Variants in RHCE observed in about 807,000 individuals in gnomAD.
The protein encoded by RHCE is Rh blood group CcEe antigens.
Under a neutral mutation model 43.8 loss-of-function variants are expected in RHCE, and 22 were observed. The ratio of observed to expected loss-of-function variants is 0.50; its 90% CI spans 0.36 to 0.72. The LOEUF is 0.72. Among genes scored for constraint, RHCE ranks in the 30% least tolerant of loss-of-function variants. The probability of loss-of-function intolerance (pLI) is 0.00; values close to 1 mark genes in which losing one functional copy is unlikely to be tolerated. For missense variants in RHCE, 385 were observed against 525.4 expected (o/e 0.73, Z 2.61); for synonymous variants, 156 against 210.7 (o/e 0.74, Z 2.25).
At chr1:25,429,064 G>A (rs2124559790) in intron 1 of RHCE, 1 of 152,308 alleles carries the variant, frequency 6.6e-6, no homozygotes, top group South Asian at 2.1e-4. Flanking sequence ...GAAGGTTTGT[G>A]AGCAGAAGAA....
chr1:25,399,527 T>C (rs529793868), intron 3 of RHCE, among the ~76,000 whole-genome samples: 1 of 152,252 alleles, frequency 6.6e-6, no homozygotes, highest in Non-Finnish European at 1.5e-5. Context: ...CCAGCTTTAG[T>C]ATGATTAGCA....
intron 3 of RHCE, among the ~76,000 whole-genome samples, chr1:25,402,206 G>GTCTGTCTGTCTA (rs796249762): frequency 0.039 from 5,092 of 130,268 alleles, 130 homozygotes; most frequent in Middle Eastern, 0.091. Flanking sequence ...CTGTCTGTCT[G>GTCTGTCTGTCTA]TCTATCTATC....
chr1:25,420,323 G>A (rs1027663203), intron 1 of RHCE, among the ~76,000 whole-genome samples: 1 of 152,212 alleles, frequency 6.6e-6, no homozygotes, highest in African/African-American at 2.4e-5. Context: ...CCACTAAGGA[G>A]AGAGAAGGGG....
chr1:25,414,099 T>C lies in RHCE; in HGVS notation c.149-5230A>G, dbSNP rs529996691. Among the ~76,000 whole-genome samples, 3 of 152,182 alleles carry C rather than the reference T, an allele frequency of 2.0e-5. No homozygotes were observed. The East Asian group carries it at 5.8e-4, about 29-fold the overall frequency. The stretch of plus-strand genomic sequence containing the variant: ...CCAGCATTGGGTACGTAGTGAGTGT[T>C]AGTAACTGTTACCCCGTGCCGGCCG... On this transcript the variant is annotated intron_variant, in intron 1 of 9. Coordinates refer to ENST00000294413, the MANE Select transcript of RHCE (RefSeq NM_020485.8).
chr1:25,412,715 TAAAAA>T (rs1165784820), intron 1 of RHCE, among the ~76,000 whole-genome samples: 100 of 116,586 alleles, frequency 8.6e-4, no homozygotes, highest in African/African-American at 2.2e-3. Context: ...ACCCTTTTTT[TAAAAA>T]AAAAAAAAAA....
intron 1 of RHCE, among the ~76,000 whole-genome samples, chr1:25,416,550 A>G (rs1353928476): frequency 6.6e-6 from 1 of 152,128 alleles, no homozygotes; most frequent in Non-Finnish European, 1.5e-5. Flanking sequence ...GGCGTGAGCC[A>G]CCGCACCCAG....
chr1:25,379,381 A>G (rs1378638247), intron 7 of RHCE, among the ~76,000 whole-genome samples: 1 of 145,082 alleles, frequency 6.9e-6, no homozygotes, highest in Non-Finnish European at 1.5e-5. Context: ...CATTCAAACC[A>G]TAGCATTCTG....
At chr1:25,396,814 A>C (rs2124451949) in intron 3 of RHCE, among the ~76,000 whole-genome samples, 1 of 152,238 alleles carries the variant, frequency 6.6e-6, no homozygotes, top group South Asian at 2.1e-4. Context: ...ACCCAACTGC[A>C]TCAGAAATAT....
chr1:25,368,163 GT>G (rs1367111003), intron 9 of RHCE, among the ~76,000 whole-genome samples: 1 of 145,118 alleles, frequency 6.9e-6, no homozygotes, highest in African/African-American at 2.7e-5. Flanking sequence ...ACGTTAAAAT[GT>G]ATCAAATTAT....
At chr1:25,427,475 G>A (rs1358301403) in intron 2 of RHCE, among the ~76,000 whole-genome samples, 1 of 152,238 alleles carries the variant, frequency 6.6e-6, no homozygotes, top group Non-Finnish European at 1.5e-5. Flanking sequence ...TCTGGCAGGA[G>A]GCCCACTTCT....
chr1:25,420,456 C>A (rs1438282853), intron 1 of RHCE, among the ~76,000 whole-genome samples, 183 bp downstream of exon 1: 1 of 152,186 alleles, frequency 6.6e-6, no homozygotes, highest in Non-Finnish European at 1.5e-5. Context: ...CATGCCCAGG[C>A]TGCTTCTAAA....
intron 7 of RHCE, among the ~76,000 whole-genome samples, chr1:25,377,243 C>T (rs564656466): frequency 6.6e-6 from 1 of 152,042 alleles, no homozygotes; most frequent in East Asian, 1.9e-4. Flanking sequence ...TATGCATGAC[C>T]TTGCAAATTT....
Position 25,392,082 on chromosome 1 carries a change from A to G in RHCE, c.546T>C (p.Thr182=). Residue 182 remains threonine (T), a synonymous_variant, in exon 4 of 10, where the codon ACT becomes ACC. Transcript: ENST00000294413. ...GAGGCTTTGGCAGGCACCAGGCCAC[A>G]GTCAGCCCAAAATAGGCTGCGAACA... ...FYVFAAYFGL[T]VAWCLPKPLP... is the part of the protein sequence containing the mutation. The G allele has an allele frequency of 6.2e-7, 1 of 1,614,194 alleles. No individual in the cohort carries two copies. Among genetic ancestry groups the G allele is most frequent in the Non-Finnish European group, 8.5e-7 (1 of 1,180,030 alleles).
chr1:25,394,195 C>T (rs1273407192), intron 3 of RHCE, among the ~76,000 whole-genome samples: 1 of 152,068 alleles, frequency 6.6e-6, no homozygotes, highest in South Asian at 2.1e-4. Flanking sequence ...CACCATGTTC[C>T]CCAGCCTGGT....
intron 3 of RHCE, among the ~76,000 whole-genome samples, chr1:25,402,002 G>C (rs368097270): frequency 1.3e-5 from 2 of 152,046 alleles, no homozygotes; most frequent in Admixed American, 1.3e-4. Context: ...TCAGCCTCCT[G>C]AGTAGCTGGG....
chr1:25,428,679 T>C (rs2042824228), intron 2 of RHCE, among the ~76,000 whole-genome samples: 1 of 152,172 alleles, frequency 6.6e-6, no homozygotes, highest in Non-Finnish European at 1.5e-5. Context: ...CTGTGAGAGA[T>C]TTAGTAACTT....
intron 7 of RHCE, among the ~76,000 whole-genome samples, chr1:25,376,898 A>T (rs1645805330): frequency 6.6e-6 from 1 of 151,914 alleles, no homozygotes; most frequent in African/African-American, 2.4e-5. Context: ...TGGGCAACAG[A>T]GCAAGACTCC....
intron 3 of RHCE, among the ~76,000 whole-genome samples, chr1:25,393,991 T>C (rs1483579306): frequency 1.3e-5 from 2 of 152,126 alleles, no homozygotes; most frequent in Non-Finnish European, 2.9e-5. Flanking sequence ...TTTTTATTTA[T>C]TTATTTATTT....
At chr1:25,405,239 T>C (rs1646880030) in intron 2 of RHCE, among the ~76,000 whole-genome samples, 1 of 152,050 alleles carries the variant, frequency 6.6e-6, no homozygotes, top group African/African-American at 2.4e-5. Context: ...GCACCCATAG[T>C]CCCAGCTACT....
Sources: gnomAD v4.1 joint callset for allele counts (sites outside exome capture counted in the v4.1 genomes callset) on GRCh38, gnomAD v4.1.1 for gene constraint, MANE v1.5 for transcripts, NCBI Gene and HGNC (gene_info 2026-07-23, HGNC 2026-07-21) for gene names.